LRRC72: variants seen among roughly 807,000 people sequenced by gnomAD.
LRRC72 encodes leucine rich repeat containing 72.
A neutral mutation model predicts 35.8 loss-of-function variants in LRRC72; 41 were observed. The ratio of observed to expected loss-of-function variants is 1.15; its 90% CI spans 0.89 to 1.49. The LOEUF is 1.49. LRRC72 is among the 40% of genes most tolerant of loss of function. LRRC72 has a pLI of 0.00. For synonymous variants in LRRC72, 118 were observed against 119.2 expected, an observed-to-expected ratio of 0.99 and a Z score of 0.07; for missense variants, 389 against 330.7, an observed-to-expected ratio of 1.18 and a Z score of -1.37.
chr7:16,567,159 G>A (rs1053571897), intron 6 of LRRC72, among the ~76,000 whole-genome samples: 2 of 152,062 alleles, frequency 1.3e-5, no homozygotes, highest in African/African-American at 4.8e-5. Context: ...AGGGTGTTTG[G>A]GATGCATTAG....
intron 3 of LRRC72, among the ~76,000 whole-genome samples, chr7:16,541,984 G>A (rs535316882): frequency 1.3e-5 from 2 of 151,626 alleles, no homozygotes; most frequent in South Asian, 2.1e-4. Context: ...ACTTGTCCTC[G>A]GTCACAGTGC....
intron 7 of LRRC72, among the ~76,000 whole-genome samples, chr7:16,573,919 A>G (rs1782992860): frequency 6.6e-6 from 1 of 152,232 alleles, no homozygotes; most frequent in Admixed American, 6.5e-5. Flanking sequence ...TGAAGGGCTA[A>G]TATCCGGAAT....
intron 1 of LRRC72, among the ~76,000 whole-genome samples, chr7:16,529,543 A>T (rs1402038521): frequency 6.6e-6 from 1 of 152,192 alleles, no homozygotes; most frequent in Non-Finnish European, 1.5e-5. Context: ...ATGAGGGCAT[A>T]TAGTACTAGT....
rs1030363367 is a variant in LRRC72 at position 16,527,004 on chromosome 7, C to T, written c.52C>T (p.Arg18Trp). ...CCGTACCTTGCGATGCTGGCGCCTA[C>T]GGAGGGCATCCGAAACTGCCCTACA... is the stretch of plus-strand genomic sequence containing the variant. ...VPRTLRCWRL[R>W]RASETALQSS... Residue 18 changes from arginine (R) to tryptophan (W), a missense_variant, in exon 1 of 9, where the codon CGG becomes TGG. Arg to Trp is a moderately radical substitution (Grantham distance 101). Coordinates refer to ENST00000401542, the MANE Select transcript of LRRC72 (RefSeq NM_001195280.2). 3.1e-5 allele frequency: 48 copies of T among 1,539,662 alleles called. No individual in the cohort carries two copies. Among genetic ancestry groups the T allele is most frequent in the Non-Finnish European group, 4.1e-5 (47 of 1,146,940 alleles).
rs1412845450 is a variant in LRRC72 at position 16,533,143 on chromosome 7, C to T, written c.164+575C>T. Among the ~76,000 whole-genome samples, 3 of 152,136 alleles carry T rather than the reference C, an allele frequency of 2.0e-5. No individual in the cohort carries two copies. In the East Asian group the frequency reaches 5.8e-4, roughly 29 times the overall value. On this transcript the variant is annotated intron_variant, in intron 2 of 8. Transcript: ENST00000401542. ...ACTCAATGAGTATTAGTATGGTTAA[C>T]ATTATTACTATTATTAGGAATCATT... is the stretch of plus-strand genomic sequence containing the variant.
Position 16,566,362 on chromosome 7 carries a change from C to T in LRRC72, c.477C>T (p.Ile159=). The T allele has an allele frequency of 1.3e-6, 2 of 1,547,290 alleles. No individual in the cohort carries two copies. The highest frequency in any genetic ancestry group is 1.7e-6 in the Non-Finnish European group (2 of 1,145,742). ...AATATAACCTGTATCGTTTATATAT[C>T]ATCTACCACCTTCCAGGAGTGGAGC... ...LCQYNLYRLY[I]IYHLPGVELL... is the part of the protein sequence containing the mutation. Residue 159 remains isoleucine (I), a synonymous_variant, in exon 6 of 9, where the codon ATC becomes ATT. Coordinates refer to ENST00000401542, the MANE Select transcript of LRRC72 (RefSeq NM_001195280.2).
chr7:16,548,669 CT>C (rs1782493871), intron 3 of LRRC72, among the ~76,000 whole-genome samples: 1 of 152,224 alleles, frequency 6.6e-6, no homozygotes, highest in African/African-American at 2.4e-5. Flanking sequence ...CCTCAGTGCT[CT>C]GTGCCTGGCT....
chr7:16,533,793 G>A (rs1289025338), intron 2 of LRRC72, among the ~76,000 whole-genome samples: 2 of 152,054 alleles, frequency 1.3e-5, no homozygotes, highest in South Asian at 2.1e-4. Context: ...TTTTAGTATG[G>A]AACAGGTATG....
chr7:16,530,887 C>T (rs1022290855), intron 1 of LRRC72, among the ~76,000 whole-genome samples: 3 of 152,122 alleles, frequency 2.0e-5, no homozygotes, highest in Middle Eastern at 3.2e-3. Context: ...TGATAGTTGA[C>T]ATCTTTAAGT....
intron 3 of LRRC72, among the ~76,000 whole-genome samples, chr7:16,538,782 A>C (rs1562738654): frequency 6.6e-6 from 1 of 152,130 alleles, no homozygotes. Context: ...ATGGTTTTTA[A>C]AGTGGCACTT....
intron 3 of LRRC72, among the ~76,000 whole-genome samples, chr7:16,549,025 G>C (rs1371411737): frequency 6.6e-6 from 1 of 152,164 alleles, no homozygotes; most frequent in Non-Finnish European, 1.5e-5. Flanking sequence ...GCACATAGTA[G>C]ATGCTCAGCA....
chr7:16,537,812 C>G, intron 3 of LRRC72, 116 bp downstream of exon 3: 1 of 606,934 alleles, frequency 1.6e-6, no homozygotes, highest in Non-Finnish European at 2.8e-6. Context: ...TTAAATTGAG[C>G]TAAGAAACCC....
At chr7:16,542,897 C>G (rs1289735026) in intron 3 of LRRC72, among the ~76,000 whole-genome samples, 1 of 152,172 alleles carries the variant, frequency 6.6e-6, no homozygotes, top group Non-Finnish European at 1.5e-5. Flanking sequence ...TTTCTAAAAT[C>G]ACTATCACTT....
At chr7:16,545,225 T>C (rs1318542989) in intron 3 of LRRC72, among the ~76,000 whole-genome samples, 1 of 152,192 alleles carries the variant, frequency 6.6e-6, no homozygotes, top group Non-Finnish European at 1.5e-5. Context: ...TTAGGCTCAA[T>C]CTTCGATACT....
intron 4 of LRRC72, among the ~76,000 whole-genome samples, 198 bp from the exon 5 acceptor site, chr7:16,558,691 T>A (rs997698516): frequency 6.6e-6 from 1 of 152,062 alleles, no homozygotes; most frequent in Non-Finnish European, 1.5e-5. Flanking sequence ...ATTAATTATA[T>A]GAATTATGCC....
intron 6 of LRRC72, 106 bp downstream of exon 6, chr7:16,566,508 A>G (rs1782847960): frequency 1.7e-6 from 1 of 571,630 alleles, no homozygotes; most frequent in South Asian, 4.0e-5. Flanking sequence ...TAAAAAATAT[A>G]TCTTTGAATA....
In LRRC72 at chr7:16,537,611, T is replaced by G. The variant is rs992137812; in HGVS notation, c.165-16T>G. Reference sequence around the variant, plus strand: ...ACTAATTGTTGCTAATGTTCACATTTTTTTTTTCTTTCCAGGGAACTGACA... The same window carrying G: ...ACTAATTGTTGCTAATGTTCACATTGTTTTTTTCTTTCCAGGGAACTGACA... On this transcript the variant is annotated splice_polypyrimidine_tract_variant and intron_variant, in intron 2 of 8. Transcript: ENST00000401542. The G allele has an allele frequency of 6.8e-7, 1 of 1,476,954 alleles. No homozygotes were observed. Among genetic ancestry groups the G allele is most frequent in the Non-Finnish European group, 9.1e-7 (1 of 1,096,298 alleles). The allele number at this position is 1,476,954 out of a possible 1,614,324, so 91.5% of individuals were successfully genotyped here. A position where few individuals can be genotyped will look rare whatever the true frequency, so the allele number is the denominator to read the frequency against.
intron 1 of LRRC72, 69 bp from the exon 2 acceptor site, chr7:16,532,426 C>T (rs1404171): frequency 0.47 from 498,727 of 1,070,862 alleles, 117,653 homozygotes; most frequent in East Asian, 0.62. Flanking sequence ...GTTATTGTTA[C>T]TGACTGCAAG....
At chr7:16,558,253 CAAA>C (rs1474754703) in intron 4 of LRRC72, among the ~76,000 whole-genome samples, 17 of 152,004 alleles carry the variant, frequency 1.1e-4, no homozygotes, top group Non-Finnish European at 2.5e-4. Context: ...TAAAACCAAA[CAAA>C]AAGAAGAAAA....
Sources: gnomAD v4.1 joint callset for allele counts (sites outside exome capture counted in the v4.1 genomes callset) on GRCh38, gnomAD v4.1.1 for gene constraint, MANE v1.5 for transcripts, NCBI Gene and HGNC (gene_info 2026-07-23, HGNC 2026-07-21) for gene names.